The following PCDH7 variants were observed in gnomAD, a reference collection of about 807,000 sequenced individuals.
PCDH7 encodes the protein protocadherin-7.
In PCDH7, 17 loss-of-function variants were observed where a neutral mutation model predicts 58.9. The observed-to-expected ratio is 0.29, with a 90% CI of 0.20 to 0.43. The LOEUF is 0.43. Ranked by LOEUF, PCDH7 falls within the 20% of genes least tolerant of loss-of-function variation. The pLI, the probability that PCDH7 is intolerant of heterozygous loss-of-function variation, is 1.00. For missense variants in PCDH7, 1,274 were observed against 1,441.0 expected, an observed-to-expected ratio of 0.88 and a Z score of 1.88; for synonymous variants, 664 against 616.4, an observed-to-expected ratio of 1.08 and a Z score of -1.14.
intron 1 of PCDH7, among the ~76,000 whole-genome samples, chr4:30,833,783 A>G (rs547389737): frequency 2.0e-5 from 3 of 152,366 alleles, no homozygotes; most frequent in Non-Finnish European, 2.9e-5. Context: ...GCGTTGTTAC[A>G]TGCACTATGT....
chr4:30,958,574 GAA>G (rs925419895), intron 3 of PCDH7, among the ~76,000 whole-genome samples: 1 of 151,464 alleles, frequency 6.6e-6, no homozygotes, highest in African/African-American at 2.4e-5. Flanking sequence ...AATATCATAA[GAA>G]AAAAATCTTC....
rs967239560 is a variant in PCDH7, at chr4:31,074,123, G to A, written c.*8-68350G>A. On this transcript the variant is annotated intron_variant, in intron 3 of 3. Coordinates refer to the PCDH7 transcript ENST00000509759. ...TCACCACACTATCTGTTCTAAATTAGCTGTACTCTGCAACCCCAAAACCCC... is the reference window on the plus strand; with the variant it reads ...TCACCACACTATCTGTTCTAAATTAACTGTACTCTGCAACCCCAAAACCCC... 2.0e-5 allele frequency among the ~76,000 whole-genome samples: 3 copies of A among 151,612 alleles called. No individual in the cohort carries two copies. The South Asian group carries it at 6.3e-4, about 32-fold the overall frequency.
intron 3 of PCDH7, among the ~76,000 whole-genome samples, chr4:31,101,529 G>T (rs1251307326): frequency 3.9e-5 from 6 of 152,052 alleles, no homozygotes; most frequent in African/African-American, 1.4e-4. Flanking sequence ...ATGAACAATT[G>T]CCATATCTGT....
intron 2 of PCDH7, among the ~76,000 whole-genome samples, chr4:30,936,914 G>T (rs545072374): frequency 6.6e-6 from 1 of 151,908 alleles, no homozygotes; most frequent in Non-Finnish European, 1.5e-5. Flanking sequence ...GGTTCAACTT[G>T]ATAGTTATAT....
chr4:30,839,827 C>T (rs1263783343), intron 1 of PCDH7, among the ~76,000 whole-genome samples: 1 of 152,010 alleles, frequency 6.6e-6, no homozygotes, highest in Non-Finnish European at 1.5e-5. Flanking sequence ...TGACTGGAAA[C>T]CTTCATGTCT....
intron 1 of PCDH7, among the ~76,000 whole-genome samples, chr4:30,883,098 C>T (rs954946393): frequency 1.3e-5 from 2 of 152,192 alleles, no homozygotes; most frequent in Non-Finnish European, 2.9e-5. Flanking sequence ...TGCACGGGCA[C>T]ACACACCCAC....
chr4:30,875,486 T>C (rs1736167199), intron 1 of PCDH7, among the ~76,000 whole-genome samples: 1 of 152,072 alleles, frequency 6.6e-6, no homozygotes, highest in Non-Finnish European at 1.5e-5. Context: ...ATGTTAGAGC[T>C]TAGAAATGAG....
intron 1 of PCDH7, among the ~76,000 whole-genome samples, chr4:30,792,181 AT>A (rs545774842): frequency 1.5e-3 from 230 of 152,306 alleles, no homozygotes; most frequent in Non-Finnish European, 2.5e-3. Context: ...AACTAAGAGT[AT>A]TTTGGAGAAG....
At chr4:31,054,262 G>A (rs1270153501) in intron 3 of PCDH7, among the ~76,000 whole-genome samples, 3 of 152,128 alleles carry the variant, frequency 2.0e-5, no homozygotes, top group South Asian at 2.1e-4. Context: ...CACCACGTCC[G>A]GCCCTTGGAA....
chr4:31,116,879 A>G (rs1717058635), intron 3 of PCDH7, among the ~76,000 whole-genome samples: 1 of 152,068 alleles, frequency 6.6e-6, no homozygotes. Flanking sequence ...CTTCTTGCCC[A>G]GGCTGGAGTG....
chr4:31,010,998 T>G (rs1753139355), intron 3 of PCDH7, among the ~76,000 whole-genome samples: 1 of 152,016 alleles, frequency 6.6e-6, no homozygotes, highest in South Asian at 2.1e-4. Context: ...TTTTTTCCCC[T>G]ATATCACAAT....
chr4:30,879,721 C>A (rs1373114211), intron 1 of PCDH7, among the ~76,000 whole-genome samples: 1 of 152,072 alleles, frequency 6.6e-6, no homozygotes, highest in East Asian at 1.9e-4. Context: ...ATAACCCTGC[C>A]ACTTGCAGAT....
chr4:30,879,170 C>T (rs1736648693), intron 1 of PCDH7, among the ~76,000 whole-genome samples: 1 of 151,930 alleles, frequency 6.6e-6, no homozygotes, highest in African/African-American at 2.4e-5. Context: ...TTCCTCCCTC[C>T]CTCCCTTTAT....
At chr4:30,911,114 C>T (rs1321668702) in intron 1 of PCDH7, among the ~76,000 whole-genome samples, 1 of 151,976 alleles carries the variant, frequency 6.6e-6, no homozygotes, top group Admixed American at 6.5e-5. Flanking sequence ...ACAATGAAAA[C>T]ACATGGGCAC....
chr4:30,874,685 TATAATA>T (rs1736067355), intron 1 of PCDH7, among the ~76,000 whole-genome samples: 1 of 148,830 alleles, frequency 6.7e-6, no homozygotes, highest in Admixed American at 6.7e-5. Flanking sequence ...AAACTTAAAG[TATAATA>T]ATAATAAAAT....
intron 1 of PCDH7, among the ~76,000 whole-genome samples, chr4:30,776,044 G>A (rs972341169): frequency 2.0e-5 from 3 of 152,218 alleles, no homozygotes; most frequent in Non-Finnish European, 4.4e-5. Flanking sequence ...AACTAAGGAA[G>A]AGTAACCATG....
In PCDH7 at chr4:31,097,510, G is replaced by GAGAAAGAA. The variant is rs10641064; in HGVS notation, c.*8-44958_*8-44951dup. The stretch of plus-strand genomic sequence containing the variant: ...AAAGAAAAAAAGAAAGAAAGAAAGA[G>GAGAAAGAA]AGAAAGAAAGAAGAAAGAAAGAAAG... On this transcript the variant is annotated intron_variant, in intron 3 of 3. Coordinates refer to the PCDH7 transcript ENST00000509759. Among the ~76,000 whole-genome samples the GAGAAAGAA allele has an allele frequency of 3.2e-4, 32 of 99,250 alleles. No homozygotes were observed. In the East Asian group the frequency reaches 6.9e-3, roughly 21 times the overall value. 65.1% of individuals were successfully genotyped at this position (99,250 alleles called of 152,430 possible). A position where few individuals can be genotyped will look rare whatever the true frequency, so the allele number is the denominator to read the frequency against.
intron 1 of PCDH7, among the ~76,000 whole-genome samples, chr4:30,829,324 T>A (rs1410876755): frequency 6.6e-6 from 1 of 152,122 alleles, no homozygotes; most frequent in Non-Finnish European, 1.5e-5. Context: ...CATATAAATA[T>A]ATGAATATAG....
chr4:30,989,085 T>G (rs1270690725), intron 3 of PCDH7, among the ~76,000 whole-genome samples: 1 of 152,312 alleles, frequency 6.6e-6, no homozygotes, highest in Non-Finnish European at 1.5e-5. Flanking sequence ...AAAAATGTTT[T>G]ATGTGAAGAC....
Sources: gnomAD v4.1 joint callset for allele counts (sites outside exome capture counted in the v4.1 genomes callset) on GRCh38, gnomAD v4.1.1 for gene constraint, MANE v1.5 for transcripts, NCBI Gene and HGNC (gene_info 2026-07-23, HGNC 2026-07-21) for gene names.